Variants in CCDC91 observed in about 807,000 individuals in gnomAD.
CCDC91 encodes the protein coiled-coil domain containing 91, also known as coiled-coil domain-containing protein 91.
Under a neutral mutation model 63.2 loss-of-function variants are expected in CCDC91, and 48 were observed. The observed-to-expected ratio is 0.76, with a 90% CI of 0.60 to 0.97. CCDC91 has a LOEUF of 0.97. CCDC91 is among the 50% of genes least tolerant of loss of function. The probability of loss-of-function intolerance (pLI) is 0.00; values close to 1 mark genes in which losing one functional copy is unlikely to be tolerated. For synonymous variants in CCDC91, 167 were observed against 165.8 expected (o/e 1.01, Z -0.06); for missense variants, 500 against 494.6 (o/e 1.01, Z -0.10).
At chr12:28,479,632 T>A (rs1951333736) in intron 11 of CCDC91, among the ~76,000 whole-genome samples, 1 of 151,880 alleles carries the variant, frequency 6.6e-6, no homozygotes, top group Non-Finnish European at 1.5e-5. Context: ...ATAAAAAAAA[T>A]AAATGAAACT....
At chr12:28,433,231 T>C (rs1257292582) in intron 8 of CCDC91, among the ~76,000 whole-genome samples, 2 of 151,984 alleles carry the variant, frequency 1.3e-5, no homozygotes, top group African/African-American at 2.4e-5. Context: ...AAGTTCAGCT[T>C]ATCCCATTTT....
intron 6 of CCDC91, among the ~76,000 whole-genome samples, chr12:28,310,427 G>C (rs2137164951): frequency 6.6e-6 from 1 of 152,144 alleles, no homozygotes; most frequent in East Asian, 1.9e-4. Context: ...TAGGAGTGAT[G>C]ACTTGAGTCT....
At chr12:28,351,645 CAACCGTAGATCT>C (rs1206431247) in intron 6 of CCDC91, among the ~76,000 whole-genome samples, 1 of 151,804 alleles carries the variant, frequency 6.6e-6, no homozygotes, top group Non-Finnish European at 1.5e-5. Context: ...CTGGGCTTTG[CAACCGTAGATCT>C]AACCTCAGGT....
At chr12:28,417,370 T>C (rs1947728824) in intron 8 of CCDC91, among the ~76,000 whole-genome samples, 1 of 152,104 alleles carries the variant, frequency 6.6e-6, no homozygotes, top group African/African-American at 2.4e-5. Context: ...ACAATTCTGT[T>C]ACCCCAAAAG....
chr12:28,523,885 A>G (rs576554582), intron 12 of CCDC91, among the ~76,000 whole-genome samples: 42 of 152,190 alleles, frequency 2.8e-4, no homozygotes, highest in African/African-American at 9.9e-4. Context: ...TTTTCTTTAA[A>G]AACGTTGAAT....
At chr12:28,192,296 G>C (rs1344487514) in intron 1 of CCDC91, among the ~76,000 whole-genome samples, 1 of 152,194 alleles carries the variant, frequency 6.6e-6, no homozygotes, top group Non-Finnish European at 1.5e-5. Flanking sequence ...ATATGTGTCA[G>C]ATGTATGCAT....
At chr12:28,317,054 C>T (rs1239749712) in intron 6 of CCDC91, among the ~76,000 whole-genome samples, 1 of 151,946 alleles carries the variant, frequency 6.6e-6, no homozygotes, top group Non-Finnish European at 1.5e-5. Flanking sequence ...CAGTGAGTTT[C>T]TGTTAGCCAT....
intron 6 of CCDC91, among the ~76,000 whole-genome samples, chr12:28,341,181 A>T (rs1488977795): frequency 6.6e-6 from 1 of 152,106 alleles, no homozygotes. Context: ...GCTCCCCTTG[A>T]AATCCAGCTG....
intron 6 of CCDC91, among the ~76,000 whole-genome samples, chr12:28,347,002 G>A (rs563839287): frequency 6.6e-6 from 1 of 152,282 alleles, no homozygotes; most frequent in African/African-American, 2.4e-5. Flanking sequence ...GGAGTTATGA[G>A]CTAGGAACTG....
rs1239299840 is a variant in CCDC91 at position 28,478,344 on chromosome 12, A to G, written c.1102-5708A>G. On this transcript the variant is annotated intron_variant, in intron 11 of 12. Transcript: ENST00000536442. The stretch of plus-strand genomic sequence containing the variant: ...CCATCTGATCTTTGACAAACCTGAC[A>G]AAGACAAGAAATGGGGAAAGGATTC... 1.1e-4 allele frequency among the ~76,000 whole-genome samples: 17 copies of G among 152,176 alleles called. 1 individual carries two copies. The highest frequency in any genetic ancestry group is 7.9e-4 in the Admixed American group (12 of 15,264).
intron 11 of CCDC91, among the ~76,000 whole-genome samples, chr12:28,458,027 C>T (rs76368471): frequency 4.8e-4 from 73 of 151,864 alleles, no homozygotes; most frequent in Non-Finnish European, 9.7e-4. Flanking sequence ...TATGTTTTCC[C>T]GAGAAGCCAC....
intron 6 of CCDC91, among the ~76,000 whole-genome samples, chr12:28,359,057 A>C (rs539276731): frequency 2.0e-5 from 3 of 152,170 alleles, no homozygotes; most frequent in African/African-American, 7.2e-5. Context: ...CACCACGCCC[A>C]GCTAATTTTT....
intron 11 of CCDC91, among the ~76,000 whole-genome samples, chr12:28,466,332 A>G (rs1174848593): frequency 6.6e-6 from 1 of 152,196 alleles, no homozygotes; most frequent in African/African-American, 2.4e-5. Flanking sequence ...AAACCTAGAG[A>G]AAGATATCAG....
At chr12:28,403,829 CT>C (rs1288472519) in intron 8 of CCDC91, among the ~76,000 whole-genome samples, 2 of 151,984 alleles carry the variant, frequency 1.3e-5, no homozygotes. Flanking sequence ...CCGTAGTATT[CT>C]TTTATTTTTC....
chr12:28,545,201 A>C (rs1372108888), intron 12 of CCDC91, among the ~76,000 whole-genome samples: 2 of 152,110 alleles, frequency 1.3e-5, no homozygotes, highest in Admixed American at 1.3e-4. Context: ...ATGTCACAGA[A>C]TACAAATCTT....
At chr12:28,514,524 G>T (rs1392995246) in intron 12 of CCDC91, among the ~76,000 whole-genome samples, 1 of 151,422 alleles carries the variant, frequency 6.6e-6, no homozygotes, top group African/African-American at 2.4e-5. Flanking sequence ...TGCTTTGGTT[G>T]TAATTGCTTT....
Position 28,519,868 on chromosome 12 carries a change from C to T in CCDC91, c.1216-29195C>T, listed in dbSNP as rs552269051. Among the ~76,000 whole-genome samples the T allele has an allele frequency of 2.6e-3, 394 of 152,016 alleles. 1 individual carries two copies. Among genetic ancestry groups the T allele is most frequent in the South Asian group, 4.2e-3 (20 of 4,794 alleles). On this transcript the variant is annotated intron_variant, in intron 12 of 12. Coordinates refer to ENST00000536442, the MANE Select transcript of CCDC91 (RefSeq NM_018318.5). ...GTTTGCTGAGAATGATGGATACCAG[C>T]TTCATCCATGTCCCAACAAAGGACA...
At chr12:28,295,740 A>T (rs1949525822) in intron 3 of CCDC91, among the ~76,000 whole-genome samples, 1 of 152,100 alleles carries the variant, frequency 6.6e-6, no homozygotes. Context: ...AGTTTAAAAA[A>T]TTTCTTAAGG....
In CCDC91 at chr12:28,549,704, A is replaced by G. The variant is rs1336825035; in HGVS notation, c.*531A>G. On this transcript the variant is annotated 3_prime_UTR_variant, in exon 13 of 13. Transcript: ENST00000536442. Reference sequence around the variant, plus strand: ...ACCTCTTCTGCAGTTGGATCTATGTATTTTCATTGGTCTACTGAAAACAAA... The same window carrying G: ...ACCTCTTCTGCAGTTGGATCTATGTGTTTTCATTGGTCTACTGAAAACAAA... The G allele has an allele frequency of 6.6e-6, 1 of 152,104 alleles. No individual in the cohort carries two copies. Among genetic ancestry groups the G allele is most frequent in the Non-Finnish European group, 1.5e-5 (1 of 68,002 alleles). The allele number at this position is 152,104 out of a possible 1,614,324, so 9.4% of individuals were successfully genotyped here. A position where few individuals can be genotyped will look rare whatever the true frequency, so the allele number is the denominator to read the frequency against.
Sources: allele counts gnomAD v4.1 joint callset (sites outside exome capture counted in the v4.1 genomes callset), GRCh38; gene constraint gnomAD v4.1.1; transcripts MANE v1.5; gene names NCBI Gene and HGNC (gene_info 2026-07-23, HGNC 2026-07-21).